The following MRPL1 variants were observed in gnomAD, a reference collection of about 807,000 sequenced individuals.
MRPL1 encodes large ribosomal subunit protein uL1m.
In MRPL1, 28 loss-of-function variants were observed where a neutral mutation model predicts 38.0. That is an observed-to-expected ratio of 0.74 (90% CI 0.55 to 1.01). The LOEUF (loss-of-function observed/expected upper bound fraction) is 1.01, where lower values mean the gene tolerates loss of function less well. Ranked by LOEUF, MRPL1 falls within the 50% of genes least tolerant of loss-of-function variation. The probability of loss-of-function intolerance (pLI) is 0.00; values close to 1 mark genes in which losing one functional copy is unlikely to be tolerated. For missense variants in MRPL1, 358 were observed against 389.8 expected (o/e 0.92, Z 0.69); for synonymous variants, 123 against 126.7 (o/e 0.97, Z 0.20).
intron 7 of MRPL1, 88 bp downstream of exon 7, chr4:77,909,460 C>A: frequency 3.6e-6 from 3 of 825,932 alleles, no homozygotes; most frequent in South Asian, 1.7e-5. Flanking sequence ...AAATGCCAGT[C>A]ATTTGAACTT....
At chr4:77,887,598 T>G (rs1019286838) in intron 5 of MRPL1, among the ~76,000 whole-genome samples, 1 of 152,114 alleles carries the variant, frequency 6.6e-6, no homozygotes, top group Non-Finnish European at 1.5e-5. Context: ...CAATTATGGC[T>G]CACTGCAGCC....
chr4:77,935,214 A>G (rs1423274721), intron 7 of MRPL1, among the ~76,000 whole-genome samples: 1 of 152,132 alleles, frequency 6.6e-6, no homozygotes, highest in African/African-American at 2.4e-5. Flanking sequence ...TCATTACCTG[A>G]ATGTATGCAT....
chr4:77,948,458 G>A (rs1029153976), intron 7 of MRPL1, among the ~76,000 whole-genome samples: 8 of 152,120 alleles, frequency 5.3e-5, no homozygotes, highest in African/African-American at 1.9e-4. Flanking sequence ...ACTAAGCATT[G>A]CTTTTATTTT....
At chr4:77,924,803 T>G (rs1222518805) in intron 7 of MRPL1, among the ~76,000 whole-genome samples, 1 of 152,216 alleles carries the variant, frequency 6.6e-6, no homozygotes, top group Non-Finnish European at 1.5e-5. Context: ...ATAACCTTTT[T>G]CATCTTTCAT....
At chr4:77,946,488 C>T (rs368360598) in intron 7 of MRPL1, among the ~76,000 whole-genome samples, 16 of 152,070 alleles carry the variant, frequency 1.1e-4, no homozygotes, top group South Asian at 4.2e-4. Context: ...GTAAGACAGG[C>T]GTAAGAAATT....
intron 2 of MRPL1, among the ~76,000 whole-genome samples, chr4:77,877,036 G>A (rs1236512144): frequency 6.6e-6 from 1 of 152,166 alleles, no homozygotes; most frequent in East Asian, 1.9e-4. Flanking sequence ...GAGTAACAGG[G>A]ATTACAGGCG....
intron 3 of MRPL1, among the ~76,000 whole-genome samples, chr4:77,883,933 C>T (rs1015816124): frequency 6.6e-6 from 1 of 152,050 alleles, no homozygotes; most frequent in African/African-American, 2.4e-5. Flanking sequence ...CATGCTCTTT[C>T]TGTACTTTAG....
chr4:77,870,572 G>C (rs1381179636), intron 1 of MRPL1, among the ~76,000 whole-genome samples: 1 of 152,050 alleles, frequency 6.6e-6, no homozygotes, highest in Non-Finnish European at 1.5e-5. Flanking sequence ...AATACCTTTA[G>C]GTGAAAAAGC....
chr4:77,937,487 A>C (rs926933859), intron 7 of MRPL1, among the ~76,000 whole-genome samples: 1 of 152,170 alleles, frequency 6.6e-6, no homozygotes, highest in Non-Finnish European at 1.5e-5. Flanking sequence ...TAAGGGGGAA[A>C]ACCCAAATGC....
chr4:77,871,492 G>A (rs1054010199), intron 1 of MRPL1, among the ~76,000 whole-genome samples: 1 of 152,028 alleles, frequency 6.6e-6, no homozygotes, highest in Non-Finnish European at 1.5e-5. Flanking sequence ...TTTTAGTAGA[G>A]ACGGGGTTTC....
In MRPL1 at chr4:77,885,154, C is replaced by T. The variant is rs1399531044; in HGVS notation, c.403-102C>T. 4 of 821,278 alleles carry T rather than the reference C, an allele frequency of 4.9e-6. No individual in the cohort carries two copies. In the East Asian group the frequency reaches 1.0e-4, roughly 21 times the overall value. The allele number at this position is 821,278 out of a possible 1,614,324, so 50.9% of individuals were successfully genotyped here. ...TTAATGGAAGAACATAGAGTAGAAT[C>T]AGAACACTGAAAACAAAACATGTCC... On this transcript the variant is annotated intron_variant, in intron 3 of 8. Transcript: ENST00000315567.
intron 7 of MRPL1, among the ~76,000 whole-genome samples, chr4:77,949,319 T>A (rs939883930): frequency 5.3e-5 from 8 of 152,224 alleles, no homozygotes; most frequent in African/African-American, 1.7e-4. Flanking sequence ...AAAATTAGAA[T>A]GTTAGCACAA....
intron 6 of MRPL1, among the ~76,000 whole-genome samples, chr4:77,900,492 G>T (rs1736007941): frequency 6.6e-6 from 1 of 152,172 alleles, no homozygotes; most frequent in South Asian, 2.1e-4. Flanking sequence ...GGTTAAGCAT[G>T]AATAGGCATT....
intron 3 of MRPL1, among the ~76,000 whole-genome samples, chr4:77,884,223 C>T (rs1735621722): frequency 1.4e-5 from 2 of 144,810 alleles, no homozygotes; most frequent in Non-Finnish European, 3.0e-5. Context: ...CCAGCCTGGG[C>T]GACAGAGCAA....
intron 1 of MRPL1, among the ~76,000 whole-genome samples, chr4:77,866,200 T>C (rs892935356): frequency 6.6e-6 from 1 of 152,064 alleles, no homozygotes; most frequent in African/African-American, 2.4e-5. Flanking sequence ...TACAGGCACA[T>C]GCCACTGGGT....
chr4:77,902,385 T>TA (rs552547011), intron 6 of MRPL1, among the ~76,000 whole-genome samples: 12,703 of 94,968 alleles, frequency 0.13, 891 homozygotes, highest in East Asian at 0.25. Context: ...ACCGGCTTTC[T>TA]AAAAAAAAAA....
rs537203769 is a variant in MRPL1, at chr4:77,867,542, TTTTTCTTTTTC to T, written c.32-4192_32-4182del. On this transcript the variant is annotated intron_variant, in intron 1 of 8. Coordinates refer to ENST00000315567, the MANE Select transcript of MRPL1 (RefSeq NM_020236.4). ...TAATTGGATAATTCTTTTCTTTTTCTTTTTCTTTTTCTTTTCTTTTCTTTCAAGAGACGGGG... is the reference window on the plus strand; with the variant it reads ...TAATTGGATAATTCTTTTCTTTTTCTTTTTCTTTTCTTTCAAGAGACGGGG... Among the ~76,000 whole-genome samples the T allele has an allele frequency of 2.5e-3, 359 of 142,802 alleles. 2 individuals carry two copies. Among genetic ancestry groups the T allele is most frequent in the African/African-American group, 9.5e-3 (339 of 35,760 alleles). 93.7% of individuals were successfully genotyped at this position (142,802 alleles called of 152,430 possible).
intron 7 of MRPL1, among the ~76,000 whole-genome samples, chr4:77,934,973 A>G (rs968482688): frequency 1.3e-5 from 2 of 152,226 alleles, no homozygotes; most frequent in African/African-American, 4.8e-5. Flanking sequence ...TACCTATAAC[A>G]GTGAAATTCG....
intron 1 of MRPL1, among the ~76,000 whole-genome samples, chr4:77,866,408 AACTT>A (rs1420542580): frequency 6.6e-6 from 1 of 152,226 alleles, no homozygotes; most frequent in East Asian, 1.9e-4. Flanking sequence ...ATAAAATATT[AACTT>A]ACTGTTTCTT....
Sources: allele counts gnomAD v4.1 joint callset (sites outside exome capture counted in the v4.1 genomes callset), GRCh38; gene constraint gnomAD v4.1.1; transcripts MANE v1.5; gene names NCBI Gene and HGNC (gene_info 2026-07-23, HGNC 2026-07-21).